Variants in SNRPA1 observed in about 807,000 individuals in gnomAD.
SNRPA1 encodes the protein small nuclear ribonucleoprotein polypeptide A', also known as U2 small nuclear ribonucleoprotein A'.
A neutral mutation model predicts 32.3 loss-of-function variants in SNRPA1; 5 were observed. The ratio of observed to expected loss-of-function variants is 0.15; its 90% CI spans 0.08 to 0.33. The LOEUF (loss-of-function observed/expected upper bound fraction) is 0.33. SNRPA1 is among the 10% of genes least tolerant of loss of function. The pLI, the probability that SNRPA1 is intolerant of heterozygous loss-of-function variation, is 1.00. For missense variants in SNRPA1, 198 were observed against 311.1 expected, an observed-to-expected ratio of 0.64 and a Z score of 2.74; for synonymous variants, 111 against 120.1, an observed-to-expected ratio of 0.92 and a Z score of 0.50.
intron 3 of SNRPA1, among the ~76,000 whole-genome samples, chr15:101,291,033 C>T (rs1319611567): frequency 6.6e-6 from 1 of 152,098 alleles, no homozygotes; most frequent in Admixed American, 6.5e-5. Context: ...AGCCACTGCA[C>T]CCGGCTTTTC....
chr15:101,287,561 C>T (rs2039470131), intron 4 of SNRPA1, 95 bp downstream of exon 4: 5 of 1,085,552 alleles, frequency 4.6e-6, no homozygotes, highest in Admixed American at 3.6e-5. Flanking sequence ...ATATGTGCCA[C>T]ATTTTTTAAT....
intron 8 of SNRPA1, among the ~76,000 whole-genome samples, chr15:101,283,393 TAA>T (rs879422585): frequency 5.1e-5 from 7 of 137,720 alleles, no homozygotes; most frequent in Admixed American, 7.3e-5. Context: ...CTGTCTCTAC[TAA>T]AAAAAAAAAA....
rs552657947 is a variant in SNRPA1, at chr15:101,287,527, T to A, written c.356+129A>T. 5.6e-6 allele frequency: 4 copies of A among 720,544 alleles called. No individual in the cohort carries two copies. The Admixed American group carries it at 6.6e-5, about 12-fold the overall frequency. 44.6% of individuals were successfully genotyped at this position (720,544 alleles called of 1,614,324 possible). On this transcript the variant is annotated intron_variant, in intron 4 of 8. Coordinates refer to ENST00000254193, the MANE Select transcript of SNRPA1 (RefSeq NM_003090.4). ...GAGGACATGAACTCATCCTTTTTTA[T>A]GGCTGCATAGTATTCCATGGTGCAT...
intron 7 of SNRPA1, among the ~76,000 whole-genome samples, chr15:101,285,393 C>G (rs1317354281): frequency 6.6e-6 from 1 of 152,122 alleles, no homozygotes; most frequent in Non-Finnish European, 1.5e-5. Context: ...CCCTACTGAT[C>G]AGTCAAAAGG....
intron 2 of SNRPA1, chr15:101,292,811 AAAAG>A (rs1251617710): frequency 2.9e-6 from 1 of 344,404 alleles, no homozygotes; most frequent in Non-Finnish European, 5.2e-6. Context: ...TCTCTATAGG[AAAAG>A]TGAAGTTCAT....
intron 3 of SNRPA1, among the ~76,000 whole-genome samples, chr15:101,289,261 C>A (rs751939364): frequency 8.5e-5 from 13 of 152,172 alleles, no homozygotes; most frequent in Non-Finnish European, 1.9e-4. Flanking sequence ...CCGAAGGCTG[C>A]TGAAATGTTG....
rs778857343 is a variant in SNRPA1, at chr15:101,293,182, G to A, written c.83-10C>T. 6.6e-5 allele frequency: 105 copies of A among 1,580,074 alleles called. No homozygotes were observed. The highest frequency in any genetic ancestry group is 9.3e-5 in the South Asian group (8 of 85,866). On this transcript the variant is annotated splice_polypyrimidine_tract_variant and intron_variant, in intron 1 of 8. Coordinates refer to ENST00000254193, the MANE Select transcript of SNRPA1 (RefSeq NM_003090.4). The stretch of plus-strand genomic sequence containing the variant: ...ACGGGAATTTTATACCCTATAAAAT[G>A]GAGGAAAAAAACACAAGAGGTATTA...
chr15:101,281,774 C>A lies in SNRPA1; in HGVS notation c.718G>T (p.Asp240Tyr). 1 of 1,614,110 alleles carries A rather than the reference C, an allele frequency of 6.2e-7. No individual in the cohort carries two copies. The highest frequency in any genetic ancestry group is 8.5e-7 in the Non-Finnish European group (1 of 1,179,928). Reference protein sequence around the residue: ...PGRERRSGPTDDGEEEMEEDT... With the variant: ...PGRERRSGPTYDGEEEMEEDT... ...TCTTCCATCTCTTCTTCACCATCAT[C>A]AGTGGGCCCTAAAGAAAACCACCAA... The change falls in exon 9 of 9, where the codon GAT becomes TAT. Residue 240 changes from aspartate (D) to tyrosine (Y), a missense_variant. Transcript: ENST00000254193.
intron 1 of SNRPA1, among the ~76,000 whole-genome samples, chr15:101,294,115 T>A (rs4965819): frequency 0.45 from 68,610 of 152,074 alleles, 17,235 homozygotes; most frequent in African/African-American, 0.69. Flanking sequence ...CATGCCTGTA[T>A]TCCCAGCTAC....
At position 101,285,744 on chromosome 15, in the gene SNRPA1, C is replaced by A; in HGVS notation, c.597G>T (p.Gly199=). ...TGATTACCTTGATTGCTTCTACATCCCCTGGAGATGGCCCACCTTTCTTTT... is the reference window on the plus strand; with the variant it reads ...TGATTACCTTGATTGCTTCTACATCACCTGGAGATGGCCCACCTTTCTTTT... The part of the protein sequence containing the change: ...TDKKKGGPSP[G]DVEAIKNAIA... Residue 199 remains glycine, a synonymous_variant, in exon 7 of 9, where the codon GGG becomes GGT. Transcript: ENST00000254193. 6.2e-7 allele frequency: 1 copy of A among 1,613,448 alleles called. No individual in the cohort carries two copies. Among genetic ancestry groups the A allele is most frequent in the Non-Finnish European group, 8.5e-7 (1 of 1,179,382 alleles).
intron 1 of SNRPA1, 146 bp from the exon 2 acceptor site, chr15:101,293,318 G>A: frequency 3.8e-6 from 2 of 526,950 alleles, no homozygotes; most frequent in Non-Finnish European, 6.6e-6. Flanking sequence ...GGTCACGCAT[G>A]ACTTGCCGCT....
intron 3 of SNRPA1, among the ~76,000 whole-genome samples, chr15:101,289,261 C>T (rs751939364): frequency 1.3e-5 from 2 of 152,172 alleles, no homozygotes. Context: ...CCGAAGGCTG[C>T]TGAAATGTTG....
At chr15:101,289,945 T>TAAAAAAAAAAAAAAAAAAAAAA (rs2039502575) in intron 3 of SNRPA1, 1 of 79,608 alleles carries the variant, frequency 1.3e-5, no homozygotes, top group African/African-American at 7.3e-5. Flanking sequence ...AAAAAAAAAT[T>TAAAAAAAAAAAAAAAAAAAAAA]CAACCATACA....
chr15:101,295,194 TC>T lies in SNRPA1; in HGVS notation c.-17del. ...GCTTGACCATCCTGCAGCCTCCCGT[TC>T]CCCCGCGCTGTGGAAAGCCCGTGGC... On this transcript the variant is annotated 5_prime_UTR_variant, in exon 1 of 9. Transcript: ENST00000254193. The T allele has an allele frequency of 6.6e-7, 1 of 1,524,878 alleles. No homozygotes were observed. The highest frequency in any genetic ancestry group is 8.8e-7 in the Non-Finnish European group (1 of 1,138,904). 94.5% of individuals were successfully genotyped at this position (1,524,878 alleles called of 1,614,324 possible).
chr15:101,294,530 C>G (rs2039565277), intron 1 of SNRPA1, among the ~76,000 whole-genome samples: 1 of 152,142 alleles, frequency 6.6e-6, no homozygotes, highest in South Asian at 2.1e-4. Flanking sequence ...CAGCACCCGG[C>G]GGTGCAAGCC....
At chr15:101,283,290 T>G (rs2039417151) in intron 8 of SNRPA1, among the ~76,000 whole-genome samples, 1 of 152,116 alleles carries the variant, frequency 6.6e-6, no homozygotes, top group African/African-American at 2.4e-5. Context: ...GGCTCACGCC[T>G]GTAATCCCAG....
intron 1 of SNRPA1, 40 bp downstream of exon 1, chr15:101,295,057 G>A (rs980408794): frequency 1.5e-6 from 2 of 1,322,660 alleles, no homozygotes; most frequent in African/African-American, 1.6e-5. Flanking sequence ...AGGCGGCTCG[G>A]TGCCGCCTGG....
At chr15:101,290,295 G>A (rs868767358) in intron 3 of SNRPA1, among the ~76,000 whole-genome samples, 1 of 152,294 alleles carries the variant, frequency 6.6e-6, no homozygotes, top group Middle Eastern at 3.4e-3. Context: ...AAGCCCAGTA[G>A]TCTTCATCTT....
chr15:101,281,589 T>G lies in SNRPA1; in HGVS notation c.*135A>C. ...AGATTTCAAAACTTATATTACAAAA[T>G]TATCAGCAGCAGTCTTAAGCATTTC... On this transcript the variant is annotated 3_prime_UTR_variant, in exon 9 of 9. Transcript: ENST00000254193. 1.6e-6 allele frequency: 1 copy of G among 643,642 alleles called. No individual in the cohort carries two copies. Among genetic ancestry groups the G allele is most frequent in the Non-Finnish European group, 2.8e-6 (1 of 356,028 alleles). 39.9% of individuals were successfully genotyped at this position (643,642 alleles called of 1,614,324 possible).
Sources: allele counts gnomAD v4.1 joint callset (sites outside exome capture counted in the v4.1 genomes callset), GRCh38; gene constraint gnomAD v4.1.1; transcripts MANE v1.5; gene names NCBI Gene and HGNC (gene_info 2026-07-23, HGNC 2026-07-21).